Variants in RBM6 observed in about 807,000 individuals in gnomAD.
RBM6 encodes RNA-binding protein 6.
A neutral mutation model predicts 140.4 loss-of-function variants in RBM6; 23 were observed. The ratio of observed to expected loss-of-function variants is 0.16; its 90% CI spans 0.12 to 0.23. The LOEUF (loss-of-function observed/expected upper bound fraction) is 0.23. Among genes scored for constraint, RBM6 ranks in the 10% least tolerant of loss-of-function variants. The pLI is 1.00. For missense variants in RBM6, 1,139 were observed against 1,386.7 expected (o/e 0.82, Z 2.84); for synonymous variants, 439 against 475.6 (o/e 0.92, Z 1.00).
At chr3:49,941,938 C>T (rs1175725611) in intron 1 of RBM6, among the ~76,000 whole-genome samples, 1 of 136,848 alleles carries the variant, frequency 7.3e-6, no homozygotes, top group South Asian at 2.3e-4. Context: ...ACAAAAAATA[C>T]AAAAAAAAAA....
intron 5 of RBM6, among the ~76,000 whole-genome samples, chr3:49,984,274 G>A (rs2085443339): frequency 6.6e-6 from 1 of 152,082 alleles, no homozygotes; most frequent in Non-Finnish European, 1.5e-5. Context: ...CTGCACTCCA[G>A]CATGGGCAAC....
chr3:49,967,878 T>C lies in RBM6; in HGVS notation c.453T>C (p.Pro151=). 6.2e-7 allele frequency: 1 copy of C among 1,614,108 alleles called. No homozygotes were observed. Among genetic ancestry groups the C allele is most frequent in the Middle Eastern group, 1.6e-4 (1 of 6,062 alleles). ...TSMDYRGREA[P]HMNYRDRDAH... ...TGGATTATAGAGGTAGGGAGGCACC[T>C]CATATGAACTACAGAGACAGGGATG... is the stretch of plus-strand genomic sequence containing the variant. Residue 151 remains proline (P), a synonymous_variant, in exon 3 of 21, where the codon CCT becomes CCC. Coordinates refer to ENST00000266022, the MANE Select transcript of RBM6 (RefSeq NM_005777.3). This position sits in a 1 kb window ranked among gnomAD's most constrained non-coding sequence, Gnocchi z 4.0.
chr3:50,037,762 C>G (rs867702738), intron 6 of RBM6, among the ~76,000 whole-genome samples: 2 of 151,116 alleles, frequency 1.3e-5, no homozygotes, highest in Non-Finnish European at 2.9e-5. Flanking sequence ...CCTTGACCTT[C>G]TAAAGTGTAG....
chr3:49,985,363 T>C (rs1171945412), intron 5 of RBM6, among the ~76,000 whole-genome samples: 1 of 152,202 alleles, frequency 6.6e-6, no homozygotes, highest in Non-Finnish European at 1.5e-5. Flanking sequence ...CCTTTAACTT[T>C]CTGCTTGCAA....
At chr3:49,953,304 C>T (rs1303156199) in intron 1 of RBM6, among the ~76,000 whole-genome samples, 2 of 151,246 alleles carry the variant, frequency 1.3e-5, no homozygotes, top group African/African-American at 2.4e-5. Context: ...ACTGCAAATT[C>T]CACCTCCCGG....
chr3:49,942,464 G>T (rs2083327194), intron 1 of RBM6, among the ~76,000 whole-genome samples: 1 of 150,464 alleles, frequency 6.6e-6, no homozygotes, highest in Admixed American at 6.7e-5. Flanking sequence ...ACTCCAGCCT[G>T]GGCAACAGAG....
At chr3:50,028,609 A>G (rs1322553053) in intron 6 of RBM6, among the ~76,000 whole-genome samples, 2 of 152,174 alleles carry the variant, frequency 1.3e-5, no homozygotes. Flanking sequence ...ATATGATATA[A>G]AGGAATAACT....
In RBM6 at chr3:50,077,065, C is replaced by T; in HGVS notation, c.3304C>T (p.Gln1102Ter). ...VGASGRTSKR[Q>*]SNETYRDAVR... ...AGCCTCAGGAAGAACCAGCAAAAGA[C>T]AGTCCAACGAGACTTACCGAGATGC... The change falls in exon 21 of 21, where the codon CAG (glutamine) becomes TAG (stop). Residue 1102 changes from glutamine (Q) to a stop codon, truncating the protein, a stop_gained. Coordinates refer to ENST00000266022, the MANE Select transcript of RBM6 (RefSeq NM_005777.3). LOFTEE classifies it high-confidence loss of function. 1 of 1,613,308 alleles carries T rather than the reference C, an allele frequency of 6.2e-7. No individual in the cohort carries two copies. Among genetic ancestry groups the T allele is most frequent in the Non-Finnish European group, 8.5e-7 (1 of 1,179,876 alleles).
At chr3:50,005,003 GA>G (rs2086509991) in intron 6 of RBM6, among the ~76,000 whole-genome samples, 2 of 152,154 alleles carry the variant, frequency 1.3e-5, no homozygotes, top group Admixed American at 1.3e-4. Context: ...CATCTGATGT[GA>G]AAATTCCTTT....
chr3:50,060,968 G>A lies in RBM6; in HGVS notation c.2241G>A (p.Gly747=). 6.4e-7 allele frequency: 1 copy of A among 1,574,628 alleles called. No homozygotes were observed. Among genetic ancestry groups the A allele is most frequent in the Non-Finnish European group, 8.6e-7 (1 of 1,163,684 alleles). The change falls in exon 12 of 21, where the codon GGG becomes GGA. Residue 747 remains glycine, a synonymous_variant. Coordinates refer to ENST00000266022, the MANE Select transcript of RBM6 (RefSeq NM_005777.3). ...TTATCTGTTGCAGAAATGATTCTGGGGACCATTCTGACCACATGCATTACT... is the reference window on the plus strand; with the variant it reads ...TTATCTGTTGCAGAAATGATTCTGGAGACCATTCTGACCACATGCATTACT... The part of the protein sequence containing the change: ...LATGKRRNDS[G]DHSDHMHYYQ...
intron 6 of RBM6, among the ~76,000 whole-genome samples, chr3:50,009,299 G>A (rs2086730285): frequency 6.6e-6 from 1 of 152,194 alleles, no homozygotes; most frequent in Admixed American, 6.5e-5. Context: ...CCTTCCTACA[G>A]TAAACAGCCT....
intron 6 of RBM6, among the ~76,000 whole-genome samples, chr3:50,032,092 A>G (rs1051208463): frequency 2.6e-5 from 4 of 152,216 alleles, no homozygotes; most frequent in African/African-American, 9.6e-5. Flanking sequence ...AGGGCTGCAG[A>G]ACGTCTTTAT....
rs1251011406 is a variant in RBM6 at position 49,967,960 on chromosome 3, G to T, written c.535G>T (p.Gly179Cys). The change falls in exon 3 of 21, where the codon GGC becomes TGC. Residue 179 changes from glycine to cysteine, a missense_variant. By Grantham distance (159) the Gly-to-Cys change is radical. Coordinates refer to ENST00000266022, the MANE Select transcript of RBM6 (RefSeq NM_005777.3). This position sits in a 1 kb window ranked among gnomAD's most constrained non-coding sequence, Gnocchi z 4.0. ...TCCTCCATCTGACTTCAGGGGCCGG[G>T]GCACTTATGATTTAGATTTTAGAGG... ...DAPPSDFRGR[G>C]TYDLDFRGRD... The T allele has an allele frequency of 6.2e-7, 1 of 1,614,132 alleles. No homozygotes were observed. Among genetic ancestry groups the T allele is most frequent in the Admixed American group, 1.7e-5 (1 of 60,004 alleles).
chr3:50,047,680 G>T lies in RBM6; in HGVS notation c.1558-565G>T, dbSNP rs557131559. Among the ~76,000 whole-genome samples the T allele has an allele frequency of 2.0e-5, 3 of 152,296 alleles. No homozygotes were observed. In the South Asian group the frequency reaches 6.2e-4, roughly 32 times the overall value. On this transcript the variant is annotated intron_variant, in intron 6 of 20. Transcript: ENST00000266022. ...GTTTCCTGCTGTAAGGATGTAACTT[G>T]CTGTGAAGCTTTCACCTTCCTCCTT...
At chr3:49,984,976 A>G (rs1359957695) in intron 5 of RBM6, among the ~76,000 whole-genome samples, 4 of 152,194 alleles carry the variant, frequency 2.6e-5, no homozygotes, top group Non-Finnish European at 5.9e-5. Flanking sequence ...AACTCTGTTT[A>G]CAGCCCTCTG....
At chr3:50,054,452 A>C in intron 8 of RBM6, 57 bp downstream of exon 8, 94 of 1,409,966 alleles carry the variant, frequency 6.7e-5, no homozygotes, top group Non-Finnish European at 8.7e-5. Flanking sequence ...AACAAATTTC[A>C]TGTTTTCCTT....
At chr3:50,068,908 A>G (rs376957956) in intron 18 of RBM6, 144 bp downstream of exon 18, 3 of 611,354 alleles carry the variant, frequency 4.9e-6, no homozygotes, top group African/African-American at 3.7e-5. Context: ...TTGCCAAATT[A>G]TATAATACAA....
chr3:49,955,570 C>T (rs2083942538), intron 1 of RBM6, among the ~76,000 whole-genome samples: 1 of 152,014 alleles, frequency 6.6e-6, no homozygotes, highest in African/African-American at 2.4e-5. Flanking sequence ...AGGCTGGGCG[C>T]AGTGGCTCAC....
At chr3:50,072,940 C>T (rs1197413949) in intron 19 of RBM6, among the ~76,000 whole-genome samples, 1 of 152,172 alleles carries the variant, frequency 6.6e-6, no homozygotes, top group South Asian at 2.1e-4. Context: ...CTTTTCTGCT[C>T]CTCTTCCTTT....
Sources: gnomAD v4.1 joint callset for allele counts (sites outside exome capture counted in the v4.1 genomes callset) on GRCh38, gnomAD v4.1.1 for gene constraint, Gnocchi (gnomAD v3.1) non-coding constraint, MANE v1.5 for transcripts, NCBI Gene and HGNC (gene_info 2026-07-23, HGNC 2026-07-21) for gene names.